Variants in UTY observed in about 807,000 individuals in gnomAD.
UTY encodes the protein ubiquitously transcribed tetratricopeptide repeat containing, Y-linked.
In UTY, 12 loss-of-function variants were observed where a neutral mutation model predicts 32.5. The observed-to-expected ratio is 0.37, with a 90% CI of 0.24 to 0.60. UTY has a LOEUF of 0.60. UTY is among the 20% of genes least tolerant of loss of function. The probability of loss-of-function intolerance (pLI) is 0.69; values close to 1 mark genes in which losing one functional copy is unlikely to be tolerated. For synonymous variants in UTY, 131 were observed against 103.4 expected (o/e 1.27, Z -1.62); for missense variants, 303 against 299.2 (o/e 1.01, Z -0.09).
At chrY:13,405,083 A>G (rs752150925) in intron 6 of UTY, among the ~76,000 whole-genome samples, 3 of 32,939 alleles carry the variant, frequency 9.1e-5, no homozygotes, top group Admixed American at 8.3e-4. Context: ...GTGTGTATAT[A>G]CATGTATATA....
At chrY:13,397,329 T>C (rs754490594) in intron 6 of UTY, among the ~76,000 whole-genome samples, 42 of 33,885 alleles carry the variant, frequency 1.2e-3, no homozygotes, top group African/African-American at 4.3e-3. Flanking sequence ...ACAATTATAT[T>C]TTCAGAACAT....
chrY:13,349,202 G>C (rs757091409), intron 17 of UTY, among the ~76,000 whole-genome samples: 1 of 32,790 alleles, frequency 3.0e-5, no homozygotes, highest in South Asian at 6.7e-4. Context: ...TTCTTAAAAA[G>C]GCATGACTCA....
At chrY:13,397,385 T>C in intron 6 of UTY, among the ~76,000 whole-genome samples, 1 of 33,443 alleles carries the variant, frequency 3.0e-5, no homozygotes. Context: ...ACTTAGATAA[T>C]ATGAGAATTA....
chrY:13,272,138 A>G, intron 27 of UTY, among the ~76,000 whole-genome samples: 1 of 34,486 alleles, frequency 2.9e-5, no homozygotes, highest in Middle Eastern at 0.013. Context: ...TTTGTACTCA[A>G]TAAATGAGAA....
intron 17 of UTY, among the ~76,000 whole-genome samples, chrY:13,349,117 T>C: frequency 6.0e-5 from 2 of 33,200 alleles, no homozygotes; most frequent in South Asian, 1.3e-3. Context: ...CAGTAAAGAC[T>C]AGAAAACACA....
intron 4 of UTY, among the ~76,000 whole-genome samples, chrY:13,431,612 CA>C (rs2074022284): frequency 3.5e-5 from 1 of 28,184 alleles, no homozygotes; most frequent in African/African-American, 1.4e-4. Context: ...ATGGTTCAAA[CA>C]AAAAAAAAAG....
chrY:13,431,891 T>TC lies in UTY; in HGVS notation c.376-17099dup, dbSNP rs2074067523. Among the ~76,000 whole-genome samples, 3 of 32,437 alleles carry TC rather than the reference T, an allele frequency of 9.2e-5. No individual in the cohort carries two copies. The South Asian group carries it at 2.0e-3, about 22-fold the overall frequency. The allele number at this position is 32,437 out of a possible 37,273, so 87.0% of individuals were successfully genotyped here. On this transcript the variant is annotated intron_variant, in intron 4 of 29. Transcript: ENST00000545955. ...TGAACGTACAGAAAAACCTAAACGC[T>TC]CCCCCCAAAATACTGTAGAAATTCA...
At chrY:13,287,555 T>A (rs1603308331) in intron 27 of UTY, among the ~76,000 whole-genome samples, 8 of 30,066 alleles carry the variant, frequency 2.7e-4, no homozygotes, top group Non-Finnish European at 4.0e-4. Flanking sequence ...AAAAAAAAAA[T>A]TTGACACTTG....
intron 28 of UTY, among the ~76,000 whole-genome samples, chrY:13,253,094 C>A (rs2054362881): frequency 3.0e-5 from 1 of 33,010 alleles, no homozygotes; most frequent in Non-Finnish European, 7.4e-5. Flanking sequence ...GAGTGATGGT[C>A]GCAATGGAAA....
At chrY:13,446,800 T>A (rs2075942314) in intron 4 of UTY, among the ~76,000 whole-genome samples, 2 of 31,044 alleles carry the variant, frequency 6.4e-5, no homozygotes, top group Non-Finnish European at 1.5e-4. Flanking sequence ...ACAAGGTACC[T>A]AGAGGAGCCA....
intron 10 of UTY, among the ~76,000 whole-genome samples, 178 bp from the exon 11 acceptor site, chrY:13,360,706 C>G (rs113011136): frequency 0.039 from 1,285 of 33,205 alleles, no homozygotes; most frequent in Middle Eastern, 0.26. Context: ...ATTTTAATCT[C>G]TATTGTAACT....
intron 4 of UTY, among the ~76,000 whole-genome samples, chrY:13,417,956 G>A: frequency 6.2e-5 from 2 of 32,084 alleles, no homozygotes; most frequent in Admixed American, 5.6e-4. Flanking sequence ...GGGTACATGC[G>A]CACAACATGC....
At chrY:13,394,258 T>A (rs773185934) in intron 7 of UTY, among the ~76,000 whole-genome samples, 1 of 33,731 alleles carries the variant, frequency 3.0e-5, no homozygotes, top group African/African-American at 1.1e-4. Flanking sequence ...TGACAAATGG[T>A]ATTCAAAATT....
intron 13 of UTY, 62 bp downstream of exon 13, chrY:13,359,026 G>A: frequency 2.7e-6 from 1 of 366,177 alleles, no homozygotes; most frequent in South Asian, 3.5e-5. Flanking sequence ...CTTGATTACT[G>A]AAGAGTGAAA....
At chrY:13,360,018 C>T in intron 11 of UTY, 32 bp from the exon 12 acceptor site, 1 of 366,519 alleles carries the variant, frequency 2.7e-6, no homozygotes, top group Non-Finnish European at 3.9e-6. Flanking sequence ...TCAAAAACTA[C>T]TGGTTACTTT....
chrY:13,373,261 A>G, intron 8 of UTY, among the ~76,000 whole-genome samples: 1 of 34,081 alleles, frequency 2.9e-5, no homozygotes, highest in African/African-American at 1.1e-4. Flanking sequence ...TAAAATAAGC[A>G]AGACACAAAA....
At chrY:13,314,889 T>C (rs925580610) in intron 21 of UTY, among the ~76,000 whole-genome samples, 8 of 34,384 alleles carry the variant, frequency 2.3e-4, no homozygotes, top group African/African-American at 9.1e-4. Flanking sequence ...ACAGCAAAAT[T>C]ACAATAAACA....
intron 4 of UTY, among the ~76,000 whole-genome samples, chrY:13,445,692 C>T (rs2075685127): frequency 3.1e-5 from 1 of 32,025 alleles, no homozygotes; most frequent in Non-Finnish European, 7.6e-5. Flanking sequence ...TCTTTATGTC[C>T]TTCTCTCCCC....
Position 13,479,678 on chromosome Y carries a change from T to C in UTY, c.-13A>G. The C allele has an allele frequency of 5.1e-6, 2 of 388,851 alleles. No homozygotes were observed. The highest frequency in any genetic ancestry group is 3.6e-6 in the Non-Finnish European group (1 of 277,724). On this transcript the variant is annotated 5_prime_UTR_variant, in exon 1 of 30. Transcript: ENST00000545955. ...CGCAGGATTTCATGGAAACAACAAA[T>C]TTCCAAGTCCCACGACGATACCCAA...
Sources: allele counts gnomAD v4.1 joint callset (sites outside exome capture counted in the v4.1 genomes callset), GRCh38; gene constraint gnomAD v4.1.1; transcripts MANE v1.5; gene names NCBI Gene and HGNC (gene_info 2026-07-23, HGNC 2026-07-21).